The following PTPRA variants were observed in gnomAD, a reference collection of about 807,000 sequenced individuals.
The protein encoded by PTPRA is protein tyrosine phosphatase receptor type A.
In PTPRA, 25 loss-of-function variants were observed where a neutral mutation model predicts 104.8. The ratio of observed to expected loss-of-function variants is 0.24; its 90% CI spans 0.17 to 0.33. The LOEUF (loss-of-function observed/expected upper bound fraction) is 0.33, where lower values mean the gene tolerates loss of function less well. PTPRA is among the 10% of genes least tolerant of loss of function. PTPRA has a pLI of 1.00. For synonymous variants in PTPRA, 323 were observed against 368.9 expected, an observed-to-expected ratio of 0.88 and a Z score of 1.43; for missense variants, 765 against 1,015.3, an observed-to-expected ratio of 0.75 and a Z score of 3.35.
At chr20:2,925,707 T>A (rs1045173659) in intron 2 of PTPRA, among the ~76,000 whole-genome samples, 7 of 152,060 alleles carry the variant, frequency 4.6e-5, no homozygotes, top group Non-Finnish European at 8.8e-5. Flanking sequence ...CCCAGCTACT[T>A]GGGAGGCTGA....
chr20:2,958,952 T>G (rs1331141077), intron 3 of PTPRA, among the ~76,000 whole-genome samples: 2 of 151,886 alleles, frequency 1.3e-5, no homozygotes, highest in Non-Finnish European at 2.9e-5. Context: ...CCCTACTTCC[T>G]GAAATGGAGC....
At position 2,976,889 on chromosome 20, in the gene PTPRA, T is replaced by G. The variant is rs1004325887; in HGVS notation, c.442+1648T>G. 3.9e-5 allele frequency among the ~76,000 whole-genome samples: 6 copies of G among 152,336 alleles called. No individual in the cohort carries two copies. The East Asian group carries it at 1.2e-3, about 29-fold the overall frequency. The stretch of plus-strand genomic sequence containing the variant: ...CTTTTGAACAGTAGTGTCTGATGTT[T>G]TAATTGTCAAAGCAAAAAGAAATGA... On this transcript the variant is annotated intron_variant, in intron 6 of 23. Coordinates refer to ENST00000399903, the MANE Select transcript of PTPRA (RefSeq NM_001385305.1).
At chr20:2,888,411 T>C (rs891773554) in intron 1 of PTPRA, among the ~76,000 whole-genome samples, 1 of 151,828 alleles carries the variant, frequency 6.6e-6, no homozygotes, top group Non-Finnish European at 1.5e-5. Context: ...AAATAAAAGC[T>C]AGCCAGGTGT....
At chr20:2,918,585 T>G (rs567586274) in intron 1 of PTPRA, among the ~76,000 whole-genome samples, 25 of 152,362 alleles carry the variant, frequency 1.6e-4, no homozygotes, top group Admixed American at 1.5e-3. Context: ...GTCTGCCATA[T>G]CCACAAATTG....
intron 1 of PTPRA, among the ~76,000 whole-genome samples, chr20:2,890,305 G>C (rs2146959642): frequency 1.3e-5 from 2 of 151,936 alleles, no homozygotes; most frequent in South Asian, 4.2e-4. Flanking sequence ...TTAATTTTGG[G>C]TGTTGGATAG....
At chr20:2,888,581 A>G (rs980361892) in intron 1 of PTPRA, among the ~76,000 whole-genome samples, 2 of 151,746 alleles carry the variant, frequency 1.3e-5, no homozygotes, top group Non-Finnish European at 1.5e-5. Context: ...AAAAAAAAAA[A>G]GGTTTGTTAG....
intron 4 of PTPRA, 101 bp from the exon 5 acceptor site, chr20:2,964,760 C>A (rs779367032): frequency 1.7e-4 from 179 of 1,062,910 alleles, no homozygotes; most frequent in Non-Finnish European, 2.4e-4. Context: ...TGCTTGGTCT[C>A]CATATGTTTG....
intron 2 of PTPRA, among the ~76,000 whole-genome samples, chr20:2,931,955 C>T (rs893133882): frequency 6.6e-6 from 1 of 152,050 alleles, no homozygotes; most frequent in Non-Finnish European, 1.5e-5. Flanking sequence ...ACTGACTGAC[C>T]GACTTGGAAA....
chr20:2,957,010 G>A (rs2061560362), intron 3 of PTPRA, among the ~76,000 whole-genome samples: 1 of 152,198 alleles, frequency 6.6e-6, no homozygotes, highest in Non-Finnish European at 1.5e-5. Context: ...TCTCAGCCAG[G>A]CGCAGTGGCT....
At chr20:3,016,753 A>G in intron 12 of PTPRA, among the ~76,000 whole-genome samples, 1 of 152,242 alleles carries the variant, frequency 6.6e-6, no homozygotes, top group East Asian at 1.9e-4. Flanking sequence ...AAAAAGAGTC[A>G]TTAGGGACTA....
At position 2,969,887 on chromosome 20, in the gene PTPRA, G is replaced by A. The variant is rs376767236; in HGVS notation, c.415+4685G>A. Among the ~76,000 whole-genome samples, 7 of 151,890 alleles carry A rather than the reference G, an allele frequency of 4.6e-5. No individual in the cohort carries two copies. In the East Asian group the frequency reaches 1.2e-3, roughly 26 times the overall value. On this transcript the variant is annotated intron_variant, in intron 5 of 23. Coordinates refer to ENST00000399903, the MANE Select transcript of PTPRA (RefSeq NM_001385305.1). Reference sequence around the variant, plus strand: ...CTGGAGGCTGAGGCAGGAGAATGGCGTGAACCCAGGAGGTGGAGCTTGCAG... The same window carrying A: ...CTGGAGGCTGAGGCAGGAGAATGGCATGAACCCAGGAGGTGGAGCTTGCAG...
rs934398097 is a variant in PTPRA, at chr20:2,965,823, GAA to G, written c.415+624_415+625del. Among the ~76,000 whole-genome samples the G allele has an allele frequency of 1.4e-4, 22 of 152,284 alleles. 1 individual carries two copies. Among genetic ancestry groups the G allele is most frequent in the African/African-American group, 5.3e-4 (22 of 41,548 alleles). ...CAGGTTGAAGCAGTAGTCCCAAGGA[GAA>G]AATCAGAGACGTGGATCTGAGACCA... On this transcript the variant is annotated intron_variant, in intron 5 of 23. Coordinates refer to ENST00000399903, the MANE Select transcript of PTPRA (RefSeq NM_001385305.1).
the PTPRA span, chr20:2,866,638 GC>G: frequency 6.3e-7 from 1 of 1,593,846 alleles, no homozygotes. Flanking sequence ...TGGCAGAAGG[GC>G]CATAGTTCAT....
intron 12 of PTPRA, among the ~76,000 whole-genome samples, chr20:3,016,731 CTT>C (rs1388920693): frequency 6.6e-6 from 1 of 152,222 alleles, no homozygotes; most frequent in Non-Finnish European, 1.5e-5. Context: ...CAGAGTGAGA[CTT>C]TGTCTCAAGA....
At chr20:3,034,891 T>G (rs925072220) in intron 20 of PTPRA, among the ~76,000 whole-genome samples, 2 of 152,196 alleles carry the variant, frequency 1.3e-5, no homozygotes, top group African/African-American at 4.8e-5. Flanking sequence ...TGCCTTGGCT[T>G]GTTCTGCAGA....
chr20:2,865,308 C>T, the PTPRA span: 2 of 1,614,184 alleles, frequency 1.2e-6, no homozygotes, highest in South Asian at 1.1e-5. This position sits in a 1 kb window ranked among gnomAD's most constrained non-coding sequence, Gnocchi z 5.2. Context: ...TTCCGCATCC[C>T]TGACAAGAGG....
intron 1 of PTPRA, among the ~76,000 whole-genome samples, chr20:2,888,319 G>A (rs1027235221): frequency 3.3e-5 from 5 of 152,052 alleles, no homozygotes; most frequent in South Asian, 2.1e-4. Flanking sequence ...TAGCACTTTC[G>A]GAGGCCAACA....
At chr20:3,003,028 T>G (rs2063707722) in intron 9 of PTPRA, among the ~76,000 whole-genome samples, 1 of 152,218 alleles carries the variant, frequency 6.6e-6, no homozygotes, top group Admixed American at 6.5e-5. Flanking sequence ...TCTATACTCA[T>G]CCTTCCTCAG....
At chr20:3,008,327 G>A (rs1371290467) in intron 11 of PTPRA, among the ~76,000 whole-genome samples, 1 of 152,116 alleles carries the variant, frequency 6.6e-6, no homozygotes, top group Non-Finnish European at 1.5e-5. Flanking sequence ...CAACATGGAT[G>A]AACCTGGAAG....
Sources: gnomAD v4.1 joint callset for allele counts (sites outside exome capture counted in the v4.1 genomes callset) on GRCh38, gnomAD v4.1.1 for gene constraint, Gnocchi (gnomAD v3.1) non-coding constraint, MANE v1.5 for transcripts, NCBI Gene and HGNC (gene_info 2026-07-23, HGNC 2026-07-21) for gene names.